The following HUWE1 variants were observed in gnomAD, a reference collection of about 807,000 sequenced individuals.
HUWE1 encodes E3 ubiquitin-protein ligase HUWE1.
In HUWE1, 18 loss-of-function variants were observed where a neutral mutation model predicts 299.4. That is an observed-to-expected ratio of 0.06 (90% CI 0.04 to 0.09). The LOEUF is 0.09. Among genes scored for constraint, HUWE1 ranks in the 10% least tolerant of loss-of-function variants. HUWE1 has a pLI of 1.00. For synonymous variants in HUWE1, 1,317 were observed against 1,286.1 expected (o/e 1.02, Z -0.51); for missense variants, 1,832 against 3,462.3 (o/e 0.53, Z 11.82).
In HUWE1 at chrX:53,539,821, C is replaced by T; in HGVS notation, c.11477-9G>A. 8.3e-7 allele frequency: 1 copy of T among 1,204,085 alleles called. No individual in the cohort carries two copies. Reference sequence around the variant, plus strand: ...TGGGGTTCCATCGGAGGCTGGAGGGCACACAGAAGAGAGTCAGAAAGTCTT... The same window carrying T: ...TGGGGTTCCATCGGAGGCTGGAGGGTACACAGAAGAGAGTCAGAAAGTCTT... On this transcript the variant is annotated splice_polypyrimidine_tract_variant and intron_variant, in intron 74 of 83. Coordinates refer to ENST00000262854, the MANE Select transcript of HUWE1 (RefSeq NM_031407.7).
chrX:53,669,724 A>G (rs2069421618), intron 3 of HUWE1, among the ~76,000 whole-genome samples: 1 of 112,541 alleles, frequency 8.9e-6, no homozygotes, highest in Non-Finnish European at 1.9e-5. Context: ...ATATTTTTAA[A>G]GATCAAATAG....
intron 71 of HUWE1, 24 bp downstream of exon 71, chrX:53,545,005 A>G (rs782576440): frequency 1.1e-5 from 13 of 1,205,563 alleles, no homozygotes; most frequent in Non-Finnish European, 1.5e-5. Context: ...TCAAGCCCCC[A>G]GCCAAAGGGT....
At position 53,560,185 on chromosome X, in the gene HUWE1, C is replaced by T. The variant is rs782098753; in HGVS notation, c.7736+3G>A. On this transcript the variant is annotated splice_donor_region_variant and intron_variant, in intron 56 of 83. Coordinates refer to ENST00000262854, the MANE Select transcript of HUWE1 (RefSeq NM_031407.7). The stretch of plus-strand genomic sequence containing the variant: ...ATGAATCCAACAGATCTCTGTAACT[C>T]ACCTCTGCAGTATAAGAGGAGGGTT... The T allele has an allele frequency of 1.0e-5, 12 of 1,165,866 alleles. No individual in the cohort carries two copies. Among genetic ancestry groups the T allele is most frequent in the Non-Finnish European group, 3.5e-6 (3 of 869,362 alleles).
chrX:53,551,114 G>A lies in HUWE1; in HGVS notation c.9172C>T (p.Pro3058Ser), dbSNP rs1556928393. Residue 3058 changes from proline to serine, a missense_variant, in exon 65 of 84, where the codon CCT becomes TCT. This residue lies in a region of HUWE1 where 91 missense variants were observed against 281.2 expected (regional missense o/e 0.32). Coordinates refer to ENST00000262854, the MANE Select transcript of HUWE1 (RefSeq NM_031407.7). ...QNASSDTPMD[P>S]VTFIQTLPSD... ...GGCAGAGTCTGGATGAAGGTCACAG[G>A]GTCCATAGGGGTGTCTGAGCTGGCA... 8.3e-7 allele frequency: 1 copy of A among 1,211,511 alleles called. No individual in the cohort carries two copies. The highest frequency in any genetic ancestry group is 1.1e-6 in the Non-Finnish European group (1 of 895,266).
chrX:53,615,178 T>C (rs2148824726), intron 22 of HUWE1, among the ~76,000 whole-genome samples: 1 of 109,534 alleles, frequency 9.1e-6, no homozygotes, highest in African/African-American at 3.3e-5. Context: ...ATATAATATA[T>C]AAAAGAAATC....
At chrX:53,656,411 G>C (rs782605019) in intron 3 of HUWE1, among the ~76,000 whole-genome samples, 1 of 105,459 alleles carries the variant, frequency 9.5e-6, no homozygotes, top group East Asian at 3.0e-4. Flanking sequence ...GCGTGGTGGC[G>C]AGCACCTGTA....
chrX:53,555,472 T>C (rs1392086004), intron 60 of HUWE1, among the ~76,000 whole-genome samples: 1 of 108,717 alleles, frequency 9.2e-6, no homozygotes, highest in African/African-American at 3.4e-5. Context: ...ACTATAGGCA[T>C]GTGCCACCAT....
chrX:53,686,503 C>A (rs1177775074), intron 1 of HUWE1, 85 bp downstream of exon 1: 6 of 113,485 alleles, frequency 5.3e-5, no homozygotes, highest in South Asian at 3.5e-4. Context: ...GAACTCCCCC[C>A]CCAACCTCGC....
chrX:53,674,608 TTTTCA>T lies in HUWE1; in HGVS notation c.-25+5436_-25+5440del, dbSNP rs782561240. ...TAGCATTTTTGAATTCATGAAGTAC[TTTTCA>T]TTTATCTTGCTTAACCCTAACAAAA... is the stretch of plus-strand genomic sequence containing the variant. On this transcript the variant is annotated intron_variant, in intron 3 of 83. Coordinates refer to ENST00000262854, the MANE Select transcript of HUWE1 (RefSeq NM_031407.7). Among the ~76,000 whole-genome samples, 9 of 112,350 alleles carry T rather than the reference TTTTCA, an allele frequency of 8.0e-5. No homozygotes were observed. In the South Asian group the frequency reaches 2.6e-3, roughly 32 times the overall value.
chrX:53,678,738 A>G (rs782390044), intron 3 of HUWE1, among the ~76,000 whole-genome samples: 14 of 112,133 alleles, frequency 1.2e-4, no homozygotes, highest in Non-Finnish European at 2.1e-4. Flanking sequence ...TGAGACACTA[A>G]CATCAAAAGA....
At chrX:53,535,235 T>G in intron 81 of HUWE1, 149 bp downstream of exon 81, 1 of 503,065 alleles carries the variant, frequency 2.0e-6, no homozygotes, top group Non-Finnish European at 3.6e-6. Flanking sequence ...GTGCCCAAAG[T>G]TAAGTATTTT....
At chrX:53,630,741 C>A in intron 12 of HUWE1, 194 bp downstream of exon 12, 1 of 396,084 alleles carries the variant, frequency 2.5e-6, no homozygotes, top group Non-Finnish European at 4.4e-6. Context: ...ATCATCATAC[C>A]CTCTTTCTCG....
chrX:53,654,223 A>C, intron 3 of HUWE1, 92 bp from the exon 4 acceptor site: 1 of 563,922 alleles, frequency 1.8e-6, no homozygotes, highest in Non-Finnish European at 3.0e-6. Context: ...AATGAAGAGC[A>C]ATGCAAAATG....
In HUWE1 at chrX:53,585,509, A is replaced by T. The variant is rs782688515; in HGVS notation, c.4825-321T>A. 4.5e-5 allele frequency among the ~76,000 whole-genome samples: 5 copies of T among 111,287 alleles called. No individual in the cohort carries two copies. The East Asian group carries it at 1.4e-3, about 32-fold the overall frequency. ...CGCCCCTCATGAATGGATTAATGTC[A>T]TTATCCACGGACTGGGTTAGTTATT... On this transcript the variant is annotated intron_variant, in intron 39 of 83. Transcript: ENST00000262854.
At position 53,656,232 on chromosome X, in the gene HUWE1, C is replaced by T. The variant is rs968271821; in HGVS notation, c.-24-2101G>A. Among the ~76,000 whole-genome samples the T allele has an allele frequency of 4.4e-4, 48 of 109,894 alleles. 1 individual carries two copies. The highest frequency in any genetic ancestry group is 8.7e-4 in the Non-Finnish European group (46 of 52,649). ...CTACTAAAAATACAAAAAAAGTAGC[C>T]GGGCGTGGAAGGACAAGCCTGTAAT... On this transcript the variant is annotated intron_variant, in intron 3 of 83. Coordinates refer to ENST00000262854, the MANE Select transcript of HUWE1 (RefSeq NM_031407.7).
At chrX:53,568,924 AG>A in intron 48 of HUWE1, 50 bp from the exon 49 acceptor site, 1 of 1,063,874 alleles carries the variant, frequency 9.4e-7, no homozygotes, top group Non-Finnish European at 1.3e-6. Context: ...GCCATTTCTC[AG>A]GCCAAGTCTT....
rs782816228 is a variant in HUWE1, at chrX:53,681,914, A to C, written c.-162-1728T>G. Among the ~76,000 whole-genome samples the C allele has an allele frequency of 1.4e-4, 16 of 112,039 alleles. No individual in the cohort carries two copies. The South Asian group carries it at 5.6e-3, about 39-fold the overall frequency. On this transcript the variant is annotated intron_variant, in intron 2 of 83. Coordinates refer to ENST00000262854, the MANE Select transcript of HUWE1 (RefSeq NM_031407.7). ...TTATGGCTGGTGGTCATTCCAGGAT[A>C]GTGATTACGCACTGAAATTCCTAGA... is the stretch of plus-strand genomic sequence containing the variant.
At chrX:53,583,966 T>G in intron 41 of HUWE1, 50 bp from the exon 42 acceptor site, 1 of 1,011,663 alleles carries the variant, frequency 9.9e-7, no homozygotes, top group Non-Finnish European at 1.4e-6. Context: ...TGATGTTTAT[T>G]TCCTCCCACG....
chrX:53,562,439 G>A (rs1194722471), intron 53 of HUWE1, among the ~76,000 whole-genome samples, 195 bp from the exon 54 acceptor site: 2 of 111,197 alleles, frequency 1.8e-5, no homozygotes, highest in African/African-American at 6.5e-5. Context: ...TCAACACACT[G>A]AGCAGGGTGG....
Sources: allele counts gnomAD v4.1 joint callset (sites outside exome capture counted in the v4.1 genomes callset), GRCh38; gene constraint gnomAD v4.1.1; regional missense constraint gnomAD v4.1.1; transcripts MANE v1.5; gene names NCBI Gene and HGNC (gene_info 2026-07-23, HGNC 2026-07-21).